NARS2: variants seen among roughly 807,000 people sequenced by gnomAD.
NARS2 encodes asparaginyl-tRNA synthetase.
Under a neutral mutation model 62.9 loss-of-function variants are expected in NARS2, and 60 were observed. The ratio of observed to expected loss-of-function variants is 0.95; its 90% confidence interval spans 0.77 to 1.18. The LOEUF (loss-of-function observed/expected upper bound fraction) is 1.18, where lower values mean the gene tolerates loss of function less well. Among genes scored for constraint, NARS2 ranks in the 50% most tolerant of loss-of-function variants. The pLI is 0.00. For synonymous variants in NARS2, 196 were observed against 200.0 expected (o/e 0.98, Z 0.17); for missense variants, 619 against 576.4 (o/e 1.07, Z -0.76).
At chr11:78,498,384 T>A (rs1465996603) in intron 6 of NARS2, among the ~76,000 whole-genome samples, 6 of 152,220 alleles carry the variant, frequency 3.9e-5, no homozygotes, top group African/African-American at 1.4e-4. Flanking sequence ...GCTTTAGCTG[T>A]TCATTAAGCA....
chr11:78,558,917 AAG>A (rs1272427842), intron 5 of NARS2, among the ~76,000 whole-genome samples: 9 of 152,192 alleles, frequency 5.9e-5, no homozygotes, highest in Admixed American at 2.6e-4. Flanking sequence ...GAATCTGCGT[AAG>A]AGAGAGCTTA....
intron 11 of NARS2, among the ~76,000 whole-genome samples, chr11:78,465,264 T>A (rs1194212928): frequency 1.3e-5 from 2 of 152,216 alleles, no homozygotes; most frequent in African/African-American, 4.8e-5. Context: ...CAGGCAGCCC[T>A]GGTTCCCGCC....
chr11:78,571,467 A>C (rs751851396), intron 1 of NARS2, 23 bp from the exon 2 acceptor site: 1 of 1,537,736 alleles, frequency 6.5e-7, no homozygotes, highest in South Asian at 1.1e-5. Flanking sequence ...AATATTTCCA[A>C]TGTGAGCGTA....
At chr11:78,452,048 A>AT (rs1184296619) in intron 11 of NARS2, among the ~76,000 whole-genome samples, 1 of 152,180 alleles carries the variant, frequency 6.6e-6, no homozygotes, top group Non-Finnish European at 1.5e-5. Context: ...TTTTAGTTAG[A>AT]TGACCAAACA....
intron 7 of NARS2, among the ~76,000 whole-genome samples, chr11:78,489,846 G>C (rs1284968173): frequency 6.6e-6 from 1 of 152,108 alleles, no homozygotes. Flanking sequence ...CTTGGGCCCA[G>C]AAGTTTGAGA....
chr11:78,497,757 T>C (rs1860122773), intron 6 of NARS2, among the ~76,000 whole-genome samples: 1 of 152,110 alleles, frequency 6.6e-6, no homozygotes, highest in South Asian at 2.1e-4. Context: ...CCCCTATCTG[T>C]CCACCATGCA....
intron 7 of NARS2, among the ~76,000 whole-genome samples, chr11:78,481,310 T>C (rs1249142902): frequency 6.6e-6 from 1 of 152,116 alleles, no homozygotes; most frequent in Non-Finnish European, 1.5e-5. Flanking sequence ...AAGCTAAAGA[T>C]CCTTCACCTT....
chr11:78,501,226 T>C (rs1860272661), intron 6 of NARS2, among the ~76,000 whole-genome samples: 2 of 152,198 alleles, frequency 1.3e-5, no homozygotes, highest in African/African-American at 2.4e-5. Flanking sequence ...CTTTACACTT[T>C]TATAAGTTTC....
intron 7 of NARS2, among the ~76,000 whole-genome samples, chr11:78,489,672 G>A (rs1419956506): frequency 2.6e-5 from 4 of 152,140 alleles, no homozygotes; most frequent in Admixed American, 6.5e-5. Flanking sequence ...CCACTTAGGC[G>A]TAAATTTAAC....
intron 2 of NARS2, among the ~76,000 whole-genome samples, chr11:78,570,839 G>A (rs1010625531): frequency 1.1e-4 from 17 of 152,180 alleles, no homozygotes; most frequent in African/African-American, 3.9e-4. Context: ...AGTCTAGCAG[G>A]AGGATTCAAA....
At chr11:78,486,453 G>T (rs1315828745) in intron 7 of NARS2, among the ~76,000 whole-genome samples, 3 of 152,140 alleles carry the variant, frequency 2.0e-5, no homozygotes, top group Admixed American at 6.6e-5. Context: ...TTCTGACAAT[G>T]AACTACAAAT....
chr11:78,536,036 AAT>A (rs1250278089), intron 5 of NARS2, among the ~76,000 whole-genome samples: 1 of 152,208 alleles, frequency 6.6e-6, no homozygotes, highest in Non-Finnish European at 1.5e-5. Flanking sequence ...ATACAGATAA[AAT>A]ATAGTCATGT....
At chr11:78,543,634 A>G (rs1234672914) in intron 5 of NARS2, among the ~76,000 whole-genome samples, 2 of 152,236 alleles carry the variant, frequency 1.3e-5, no homozygotes, top group Admixed American at 1.3e-4. Context: ...GAACTATTCA[A>G]CATAATCACT....
chr11:78,560,704 T>C (rs546147257), intron 4 of NARS2, among the ~76,000 whole-genome samples: 7 of 152,342 alleles, frequency 4.6e-5, no homozygotes, highest in African/African-American at 1.7e-4. Flanking sequence ...TGCCTTATGA[T>C]GTGGACTGAT....
At chr11:78,527,437 A>G (rs1311856732) in intron 6 of NARS2, among the ~76,000 whole-genome samples, 1 of 152,168 alleles carries the variant, frequency 6.6e-6, no homozygotes, top group Non-Finnish European at 1.5e-5. Context: ...TCACCATGTT[A>G]TTATGACACT....
Position 78,528,891 on chromosome 11 carries a change from G to T in NARS2, c.640C>A (p.Pro214Thr), listed in dbSNP as rs140016209. 1.1e-3 allele frequency: 1,763 copies of T among 1,612,822 alleles called. 1 individual carries two copies. The highest frequency in any genetic ancestry group is 1.4e-3 in the Non-Finnish European group (1,595 of 1,179,420). Residue 214 changes from proline (P) to threonine (T), a missense_variant, in exon 6 of 14, where the codon CCT (proline) becomes ACT (threonine). Physicochemically the swap from Pro to Thr is conservative, Grantham distance 38. Coordinates refer to ENST00000281038, the MANE Select transcript of NARS2 (RefSeq NM_024678.6). ...TGTCCTGAGACAGTTAAGAAAGCAG[G>T]AACATTGAAGAAATTCTCCTCAGGT... ...KVPEENFFNV[P>T]AFLTVSGQLH...
chr11:78,537,254 A>G (rs1424251769), intron 5 of NARS2, among the ~76,000 whole-genome samples: 2 of 152,200 alleles, frequency 1.3e-5, no homozygotes, highest in African/African-American at 2.4e-5. Context: ...AAAAATGTGC[A>G]TGTGGATACA....
chr11:78,548,416 T>C (rs1590847920), intron 5 of NARS2, among the ~76,000 whole-genome samples: 1 of 152,096 alleles, frequency 6.6e-6, no homozygotes, highest in East Asian at 1.9e-4. Context: ...ACAACCAAAA[T>C]GATGTGTGCC....
chr11:78,462,069 T>C (rs1279615120), intron 11 of NARS2, among the ~76,000 whole-genome samples: 2 of 152,234 alleles, frequency 1.3e-5, no homozygotes, highest in African/African-American at 4.8e-5. Context: ...TCAAAGTAGC[T>C]GGGTAACCCA....
Sources: gnomAD v4.1 joint callset for allele counts (sites outside exome capture counted in the v4.1 genomes callset) on GRCh38, gnomAD v4.1.1 for gene constraint, MANE v1.5 for transcripts, NCBI Gene and HGNC (gene_info 2026-07-23, HGNC 2026-07-21) for gene names.